PDE10A: variants seen among roughly 807,000 people sequenced by gnomAD.
PDE10A encodes the protein phosphodiesterase 10A.
Under a neutral mutation model 97.7 loss-of-function variants are expected in PDE10A, and 39 were observed. The observed-to-expected ratio is 0.40, with a 90% CI of 0.31 to 0.52. The LOEUF (loss-of-function observed/expected upper bound fraction) is 0.52. PDE10A is among the 20% of genes least tolerant of loss of function. The probability of loss-of-function intolerance (pLI) is 0.56; values close to 1 mark genes in which losing one functional copy is unlikely to be tolerated. For synonymous variants in PDE10A, 371 were observed against 376.8 expected, an observed-to-expected ratio of 0.98 and a Z score of 0.18; for missense variants, 731 against 1,047.8, an observed-to-expected ratio of 0.70 and a Z score of 4.17.
intron 1 of PDE10A, among the ~76,000 whole-genome samples, chr6:165,874,496 T>G (rs2453396): frequency 0.77 from 117,075 of 152,164 alleles, 45,272 homozygotes; most frequent in East Asian, 0.96. Flanking sequence ...TCCTGTGCAA[T>G]ATAAGAAGGA....
chr6:165,650,503 T>A (rs1789628100), intron 1 of PDE10A, among the ~76,000 whole-genome samples: 2 of 152,202 alleles, frequency 1.3e-5, no homozygotes, highest in Non-Finnish European at 1.5e-5. Flanking sequence ...TGTATCTGAG[T>A]GTGTGTGTAT....
intron 1 of PDE10A, among the ~76,000 whole-genome samples, chr6:165,597,629 A>G (rs1786679840): frequency 6.6e-6 from 1 of 152,232 alleles, no homozygotes; most frequent in East Asian, 1.9e-4. Context: ...ACTTACGTGC[A>G]TTTTATAGGA....
At chr6:165,845,859 G>A (rs1780402096) in intron 1 of PDE10A, among the ~76,000 whole-genome samples, 1 of 152,078 alleles carries the variant, frequency 6.6e-6, no homozygotes, top group Admixed American at 6.6e-5. Flanking sequence ...AAATCTGACC[G>A]ATGCCTAGGT....
intron 2 of PDE10A, among the ~76,000 whole-genome samples, chr6:165,535,924 C>G (rs969067019): frequency 1.3e-5 from 2 of 151,954 alleles, no homozygotes; most frequent in African/African-American, 2.4e-5. Context: ...TCAATGCAAT[C>G]TCTCTCAAAA....
chr6:165,951,873 C>T lies in PDE10A; in HGVS notation c.-615+35656G>A, dbSNP rs117097282. ...GCTTTTACTGGGGCCCTACAAAGGG[C>T]CCAGCCCTGTTCTAGCTAAAAACTA... On this transcript the variant is annotated intron_variant, in intron 1 of 19. Transcript: ENST00000366882. 5.4e-3 allele frequency among the ~76,000 whole-genome samples: 817 copies of T among 152,322 alleles called. 5 individuals carry two copies. The highest frequency in any genetic ancestry group is 7.7e-3 in the Non-Finnish European group (527 of 68,028).
intron 1 of PDE10A, among the ~76,000 whole-genome samples, chr6:165,826,565 C>A (rs893933352): frequency 2.0e-5 from 3 of 149,770 alleles, no homozygotes; most frequent in African/African-American, 7.4e-5. Flanking sequence ...CTCTCCCACG[C>A]TCCCGCCACG....
At position 165,798,424 on chromosome 6, in the gene PDE10A, G is replaced by T. The variant is rs140100568; in HGVS notation, c.-615+189105C>A. The stretch of plus-strand genomic sequence containing the variant: ...CTGGGTCCCGGTGCTAAGTCATTCT[G>T]TCCTTCTGTCAGTATGTGGCCACTG... On this transcript the variant is annotated intron_variant, in intron 1 of 19. Coordinates refer to the PDE10A transcript ENST00000366882. 4.5e-3 allele frequency among the ~76,000 whole-genome samples: 685 copies of T among 152,278 alleles called. 6 individuals are homozygous for T. Among genetic ancestry groups the T allele is most frequent in the African/African-American group, 0.015 (644 of 41,552 alleles).
intron 1 of PDE10A, among the ~76,000 whole-genome samples, chr6:165,549,962 T>C (rs1427893116): frequency 1.3e-5 from 2 of 152,186 alleles, no homozygotes; most frequent in African/African-American, 2.4e-5. Flanking sequence ...ATTTTAATTG[T>C]GGAGAAAGAT....
intron 1 of PDE10A, among the ~76,000 whole-genome samples, chr6:165,982,439 A>G (rs1785048991): frequency 6.6e-6 from 1 of 152,232 alleles, no homozygotes; most frequent in African/African-American, 2.4e-5. Flanking sequence ...ATCTTGAAAG[A>G]CATGGAGGTT....
chr6:165,927,123 G>A (rs1342446108), intron 1 of PDE10A, among the ~76,000 whole-genome samples: 1 of 152,096 alleles, frequency 6.6e-6, no homozygotes, highest in African/African-American at 2.4e-5. Context: ...AAATACCTAA[G>A]GTAGATGACA....
intron 3 of PDE10A, among the ~76,000 whole-genome samples, chr6:165,467,092 A>G (rs7750334): frequency 0.028 from 4,244 of 152,292 alleles, 199 homozygotes; most frequent in African/African-American, 0.094. Flanking sequence ...AGTGTAATCC[A>G]GAGCCCTAGC....
At chr6:165,747,811 G>A (rs374266224) in intron 1 of PDE10A, among the ~76,000 whole-genome samples, 41 of 152,266 alleles carry the variant, frequency 2.7e-4, no homozygotes, top group African/African-American at 9.1e-4. Flanking sequence ...GAAGGAGGAG[G>A]GGGTTTGATT....
chr6:165,900,196 G>A (rs2457982), intron 1 of PDE10A, among the ~76,000 whole-genome samples: 42,550 of 152,152 alleles, frequency 0.28, 6,843 homozygotes, highest in East Asian at 0.64. Context: ...TCTGGGCGGG[G>A]CGCAGTGGCT....
intron 1 of PDE10A, among the ~76,000 whole-genome samples, chr6:165,814,452 G>C (rs953806941): frequency 5.0e-4 from 6 of 12,028 alleles, no homozygotes; most frequent in Non-Finnish European, 3.6e-3. Context: ...TTATCCTAAA[G>C]GTATTTTTTT....
At chr6:165,687,848 A>G (rs949595376) in intron 1 of PDE10A, among the ~76,000 whole-genome samples, 2 of 152,196 alleles carry the variant, frequency 1.3e-5, no homozygotes, top group Non-Finnish European at 2.9e-5. Flanking sequence ...CGCACATTTA[A>G]TCTTCAAACA....
intron 1 of PDE10A, among the ~76,000 whole-genome samples, chr6:165,917,432 G>A (rs986455613): frequency 6.6e-6 from 1 of 152,162 alleles, no homozygotes; most frequent in Non-Finnish European, 1.5e-5. Context: ...TCCTGCAGGG[G>A]AAAGAACCAG....
intron 2 of PDE10A, among the ~76,000 whole-genome samples, chr6:165,511,216 G>A (rs368099825): frequency 5.3e-5 from 8 of 151,900 alleles, no homozygotes; most frequent in South Asian, 2.1e-4. Context: ...GTTTTGGTAT[G>A]TTGTATTTCC....
rs184787448 is a variant in PDE10A, at chr6:165,538,245, G to C, written c.994+5195C>G. 5.9e-4 allele frequency among the ~76,000 whole-genome samples: 89 copies of C among 151,938 alleles called. 1 individual carries two copies. The highest frequency in any genetic ancestry group is 2.0e-3 in the African/African-American group (85 of 41,490). On this transcript the variant is annotated intron_variant, in intron 2 of 21. Coordinates refer to ENST00000539869, the MANE Select transcript of PDE10A (RefSeq NM_001385079.1). ...AAAACATATACTAACTACATTATTTGAGAAAAAAGAAAACTTCAATTATTT... is the reference window on the plus strand; with the variant it reads ...AAAACATATACTAACTACATTATTTCAGAAAAAAGAAAACTTCAATTATTT...
At chr6:165,550,583 A>G (rs1282026661) in intron 1 of PDE10A, among the ~76,000 whole-genome samples, 1 of 152,230 alleles carries the variant, frequency 6.6e-6, no homozygotes, top group Non-Finnish European at 1.5e-5. Flanking sequence ...AGAACACAAG[A>G]TTATTGATGG....
Sources: gnomAD v4.1 joint callset for allele counts (sites outside exome capture counted in the v4.1 genomes callset) on GRCh38, gnomAD v4.1.1 for gene constraint, MANE v1.5 for transcripts, NCBI Gene and HGNC (gene_info 2026-07-23, HGNC 2026-07-21) for gene names.